IFNAR2: variants seen among roughly 807,000 people sequenced by gnomAD.
IFNAR2 encodes interferon alpha/beta receptor 2.
Under a neutral mutation model 49.4 loss-of-function variants are expected in IFNAR2, and 30 were observed. The ratio of observed to expected loss-of-function variants is 0.61; its 90% CI spans 0.45 to 0.82. The LOEUF (loss-of-function observed/expected upper bound fraction) is 0.82. IFNAR2 is among the 40% of genes least tolerant of loss of function. The pLI is 0.00. For synonymous variants in IFNAR2, 224 were observed against 234.5 expected, an observed-to-expected ratio of 0.96 and a Z score of 0.41; for missense variants, 600 against 622.7, an observed-to-expected ratio of 0.96 and a Z score of 0.39.
At chr21:33,251,605 A>G in intron 6 of IFNAR2, 1 of 985,450 alleles carries the variant, frequency 1.0e-6, no homozygotes, top group Non-Finnish European at 1.2e-6. Context: ...AAATTTACAG[A>G]AAAACATCAT....
rs2123432173 is a variant in IFNAR2 at position 33,230,969 on chromosome 21, A to G, written c.-84+753A>G. Reference sequence around the variant, plus strand: ...CGTTTATTTGGTTAGCGATGGTTATATTGACTCTGAGTATTCCCACCTCCT... The same window carrying G: ...CGTTTATTTGGTTAGCGATGGTTATGTTGACTCTGAGTATTCCCACCTCCT... On this transcript the variant is annotated intron_variant, in intron 1 of 8. Transcript: ENST00000342136. The surrounding 1 kb of genome is among the most constrained non-coding windows in gnomAD (Gnocchi z 5.5). 6.6e-6 allele frequency among the ~76,000 whole-genome samples: 1 copy of G among 152,202 alleles called. No homozygotes were observed. The highest frequency in any genetic ancestry group is 1.5e-5 in the Non-Finnish European group (1 of 68,012).
At chr21:33,260,449 A>T (rs531431183) in intron 7 of IFNAR2, 148 bp from the exon 8 acceptor site, 3 of 620,294 alleles carry the variant, frequency 4.8e-6, no homozygotes, top group African/African-American at 1.9e-5. Flanking sequence ...ATAATTCTCC[A>T]GTCTCTGGTA....
rs1439095975 is a variant in IFNAR2, at chr21:33,246,957, G to C, written c.394+67G>C. 3 of 1,367,574 alleles carry C rather than the reference G, an allele frequency of 2.2e-6. No homozygotes were observed. In the Admixed American group the frequency reaches 5.7e-5, roughly 26 times the overall value. 84.7% of individuals were successfully genotyped at this position (1,367,574 alleles called of 1,614,324 possible). A position where few individuals can be genotyped will look rare whatever the true frequency, so the allele number is the denominator to read the frequency against. ...AGATCTTTATTATTTGCTATTCCAT[G>C]AAATAGGAGGTCTACAAAGGTGTTT... On this transcript the variant is annotated intron_variant, in intron 5 of 8. Coordinates refer to ENST00000342136, the MANE Select transcript of IFNAR2 (RefSeq NM_001289125.3).
At chr21:33,235,311 T>C (rs1385093871) in intron 1 of IFNAR2, among the ~76,000 whole-genome samples, 1 of 152,206 alleles carries the variant, frequency 6.6e-6, no homozygotes, top group Non-Finnish European at 1.5e-5. Flanking sequence ...ACCCAGCTGC[T>C]ACTCAAGATG....
chr21:33,254,218 A>G (rs1450451665), intron 7 of IFNAR2, among the ~76,000 whole-genome samples: 1 of 152,194 alleles, frequency 6.6e-6, no homozygotes, highest in Non-Finnish European at 1.5e-5. Context: ...AGTTCAGGCC[A>G]TGATGGGAGT....
chr21:33,257,324 C>G (rs1988273327), intron 7 of IFNAR2, among the ~76,000 whole-genome samples: 1 of 152,174 alleles, frequency 6.6e-6, no homozygotes, highest in South Asian at 2.1e-4. Flanking sequence ...TTAAAGATGG[C>G]ACAGACCCAA....
intron 2 of IFNAR2, 78 bp from the exon 3 acceptor site, chr21:33,243,595 A>G: frequency 8.0e-7 from 1 of 1,252,396 alleles, no homozygotes; most frequent in South Asian, 1.2e-5. Flanking sequence ...GTGTTAAAGA[A>G]TGTCAGACTT....
intron 1 of IFNAR2, chr21:33,234,623 C>G (rs1339374234): frequency 7.3e-6 from 3 of 411,738 alleles, no homozygotes; most frequent in Non-Finnish European, 9.8e-6. Flanking sequence ...CAAAGAATCA[C>G]TTCACTCAAT....
chr21:33,230,892 A>G lies in IFNAR2; in HGVS notation c.-84+676A>G, dbSNP rs1986008719. Reference sequence around the variant, plus strand: ...AGAGGCGATCGGCACTTGCATTTCAACCCTGAGCAAATCAATCCGTTACAC... The same window carrying G: ...AGAGGCGATCGGCACTTGCATTTCAGCCCTGAGCAAATCAATCCGTTACAC... On this transcript the variant is annotated intron_variant, in intron 1 of 8. Coordinates refer to ENST00000342136, the MANE Select transcript of IFNAR2 (RefSeq NM_001289125.3). This position sits in a 1 kb window ranked among gnomAD's most constrained non-coding sequence, Gnocchi z 5.5. Among the ~76,000 whole-genome samples the G allele has an allele frequency of 6.6e-6, 1 of 152,018 alleles. No homozygotes were observed.
intron 8 of IFNAR2, chr21:33,262,475 T>A: frequency 1.5e-6 from 1 of 648,102 alleles, no homozygotes; most frequent in Non-Finnish European, 2.8e-6. Context: ...GTAAGCATGG[T>A]GTAACTGTTA....
intron 1 of IFNAR2, among the ~76,000 whole-genome samples, chr21:33,233,229 G>T (rs535925853): frequency 6.6e-6 from 1 of 152,182 alleles, no homozygotes; most frequent in South Asian, 2.1e-4. Context: ...ATAGAAGAAA[G>T]CCCAGTAAGG....
chr21:33,246,533 T>G (rs1435628206), intron 4 of IFNAR2, among the ~76,000 whole-genome samples, 185 bp from the exon 5 acceptor site: 1 of 152,090 alleles, frequency 6.6e-6, no homozygotes, highest in Non-Finnish European at 1.5e-5. Context: ...AAGAGAGGGA[T>G]TGAAAGTGCA....
chr21:33,238,872 G>A (rs57130205), intron 1 of IFNAR2, among the ~76,000 whole-genome samples: 43 of 151,866 alleles, frequency 2.8e-4, no homozygotes, highest in African/African-American at 8.9e-4. Context: ...GATGCAAATC[G>A]CTCTTAAACC....
At chr21:33,260,439 A>G (rs187101036) in intron 7 of IFNAR2, 158 bp from the exon 8 acceptor site, 1 of 203,622 alleles carries the variant, frequency 4.9e-6, no homozygotes, top group East Asian at 1.8e-4. Flanking sequence ...GCACACTTAG[A>G]TAATTCTCCA....
intron 1 of IFNAR2, among the ~76,000 whole-genome samples, chr21:33,238,223 T>C (rs1351982318): frequency 1.3e-5 from 2 of 152,222 alleles, no homozygotes; most frequent in Non-Finnish European, 2.9e-5. Flanking sequence ...CTTTGTCTCC[T>C]GGCAGTCAAC....
At chr21:33,252,403 TATCTC>T in intron 6 of IFNAR2, 1 of 929,386 alleles carries the variant, frequency 1.1e-6, no homozygotes, top group South Asian at 5.0e-5. Context: ...TGAAGACTTT[TATCTC>T]ATTTGTAAAA....
chr21:33,263,504 C>T lies in IFNAR2; in HGVS notation c.*4C>T, dbSNP rs765566959. 4 of 1,597,666 alleles carry T rather than the reference C, an allele frequency of 2.5e-6. No homozygotes were observed. The African/African-American group carries it at 5.4e-5, about 21-fold the overall frequency. ...GGATGGTTATATAATGAGATGACTCCAAAACTATTGAATGAACTTGGACAG... is the reference window on the plus strand; with the variant it reads ...GGATGGTTATATAATGAGATGACTCTAAAACTATTGAATGAACTTGGACAG... On this transcript the variant is annotated 3_prime_UTR_variant, in exon 9 of 9. Transcript: ENST00000342136.
At chr21:33,250,257 A>G (rs528276230) in intron 6 of IFNAR2, among the ~76,000 whole-genome samples, 1 of 152,314 alleles carries the variant, frequency 6.6e-6, no homozygotes, top group East Asian at 1.9e-4. Context: ...AATCTGTTTC[A>G]ATCATGTCTC....
chr21:33,244,966 C>G lies in IFNAR2; in HGVS notation c.113C>G (p.Ser38Cys), dbSNP rs767982536. 1.2e-6 allele frequency: 2 copies of G among 1,613,402 alleles called. No individual in the cohort carries two copies. The highest frequency in any genetic ancestry group is 1.7e-6 in the Non-Finnish European group (2 of 1,179,558). ...TTCTCTTTAGATTACACAGATGAAT[C>G]TTGCACTTTCAAGATATCATTGCGA... Reference protein sequence around the residue: ...SYDSPDYTDESCTFKISLRNF... With the variant: ...SYDSPDYTDECCTFKISLRNF... Residue 38 changes from serine (S) to cysteine (C), a missense_variant, in exon 4 of 9, where the codon TCT becomes TGT. Transcript: ENST00000342136.
Sources: gnomAD v4.1 joint callset for allele counts (sites outside exome capture counted in the v4.1 genomes callset) on GRCh38, gnomAD v4.1.1 for gene constraint, Gnocchi (gnomAD v3.1) non-coding constraint, MANE v1.5 for transcripts, NCBI Gene and HGNC (gene_info 2026-07-23, HGNC 2026-07-21) for gene names.